Variants in GPM6A observed in about 807,000 individuals in gnomAD.
GPM6A encodes neuronal membrane glycoprotein M6-a.
In GPM6A, 7 loss-of-function variants were observed where a neutral mutation model predicts 32.1. The ratio of observed to expected loss-of-function variants is 0.22; its 90% CI spans 0.12 to 0.41. The LOEUF (loss-of-function observed/expected upper bound fraction) is 0.41. GPM6A is among the 10% of genes least tolerant of loss of function. The pLI is 1.00. For synonymous variants in GPM6A, 130 were observed against 123.4 expected (o/e 1.05, Z -0.35); for missense variants, 235 against 347.2 (o/e 0.68, Z 2.57).
At chr4:175,965,501 A>G (rs548500379) in intron 1 of GPM6A, among the ~76,000 whole-genome samples, 1 of 152,280 alleles carries the variant, frequency 6.6e-6, no homozygotes, top group Non-Finnish European at 1.5e-5. Context: ...AAACCATAGA[A>G]TGGTTCTTTC....
At chr4:175,783,870 C>G (rs1307671880) in intron 1 of GPM6A, among the ~76,000 whole-genome samples, 1 of 152,046 alleles carries the variant, frequency 6.6e-6, no homozygotes, top group Admixed American at 6.6e-5. Context: ...CTCAGAGTAT[C>G]TCTCTGAAAT....
At chr4:175,672,580 G>T (rs1378573338) in intron 3 of GPM6A, among the ~76,000 whole-genome samples, 2 of 152,102 alleles carry the variant, frequency 1.3e-5, no homozygotes, top group African/African-American at 2.4e-5. Flanking sequence ...ATATCTCTCT[G>T]TAACTAAGTT....
chr4:175,729,399 G>A (rs1031730086), intron 1 of GPM6A, among the ~76,000 whole-genome samples: 1 of 152,124 alleles, frequency 6.6e-6, no homozygotes, highest in African/African-American at 2.4e-5. Context: ...CCCATTCAGA[G>A]TCTCCTCTAT....
At chr4:175,677,062 C>A (rs1743411549) in intron 2 of GPM6A, among the ~76,000 whole-genome samples, 1 of 152,036 alleles carries the variant, frequency 6.6e-6, no homozygotes, top group Admixed American at 6.6e-5. Context: ...TTTTTTAGAT[C>A]AACTTCAAGA....
intron 1 of GPM6A, among the ~76,000 whole-genome samples, chr4:175,829,684 A>G (rs1322472543): frequency 6.8e-6 from 1 of 146,908 alleles, no homozygotes; most frequent in African/African-American, 2.5e-5. Context: ...ACATATATAT[A>G]TTACATATAT....
chr4:175,738,122 G>A (rs1459977351), intron 1 of GPM6A, among the ~76,000 whole-genome samples: 1 of 152,104 alleles, frequency 6.6e-6, no homozygotes, highest in African/African-American at 2.4e-5. Flanking sequence ...ATTTTTAGTA[G>A]AGGTGGGGTT....
In GPM6A at chr4:175,657,438, A is replaced by G. The variant is rs140468786; in HGVS notation, c.388-5451T>C. On this transcript the variant is annotated intron_variant, in intron 3 of 6. Coordinates refer to ENST00000393658, the MANE Select transcript of GPM6A (RefSeq NM_201591.3). ...AAATCACTGCAGGTGATTCTCATAG[A>G]TATCCAGTGTTAAGAACTCTTTCTA... 4.5e-3 allele frequency among the ~76,000 whole-genome samples: 691 copies of G among 152,180 alleles called. 7 individuals are homozygous for G. Among genetic ancestry groups the G allele is most frequent in the African/African-American group, 0.016 (651 of 41,558 alleles).
intron 1 of GPM6A, among the ~76,000 whole-genome samples, chr4:175,874,561 A>G (rs1737020594): frequency 1.3e-5 from 2 of 152,124 alleles, no homozygotes; most frequent in South Asian, 4.1e-4. Context: ...TGAAACTTTC[A>G]CAGAGAAATT....
chr4:175,818,943 G>C (rs1038857208), intron 1 of GPM6A, among the ~76,000 whole-genome samples: 10 of 152,134 alleles, frequency 6.6e-5, no homozygotes, highest in African/African-American at 2.4e-4. Flanking sequence ...AAAAATTCAA[G>C]GGTGACACTC....
At chr4:175,979,961 T>C (rs984154565) in intron 1 of GPM6A, among the ~76,000 whole-genome samples, 3 of 152,212 alleles carry the variant, frequency 2.0e-5, no homozygotes, top group Non-Finnish European at 4.4e-5. Context: ...TAATTAAGAG[T>C]ATTATTTCAT....
At chr4:175,768,724 T>C (rs1190588738) in intron 1 of GPM6A, among the ~76,000 whole-genome samples, 1 of 152,204 alleles carries the variant, frequency 6.6e-6, no homozygotes, top group Non-Finnish European at 1.5e-5. Flanking sequence ...TTGAACTATC[T>C]GGCACTATGT....
At chr4:175,800,921 G>A (rs1452496673) in intron 1 of GPM6A, 15 of 196,522 alleles carry the variant, frequency 7.6e-5, no homozygotes, top group Non-Finnish European at 1.3e-4. Flanking sequence ...TCTATCTAAG[G>A]AAAAACAAAG....
rs1442144311 is a variant in GPM6A at position 175,651,842 on chromosome 4, C to T, written c.533G>A (p.Arg178His). 15 of 1,611,702 alleles carry T rather than the reference C, an allele frequency of 9.3e-6. No individual in the cohort carries two copies. Among genetic ancestry groups the T allele is most frequent in the Non-Finnish European group, 1.3e-5 (15 of 1,178,732 alleles). ...VEGANLCLDL[R>H]QFGIVTIGEE... ...ATCCAATATCCACTTACCAAACTGACGAAGGTCCAAGCAGAGATTTGCTCC... is the reference window on the plus strand; with the variant it reads ...ATCCAATATCCACTTACCAAACTGATGAAGGTCCAAGCAGAGATTTGCTCC... Residue 178 changes from arginine (R) to histidine (H), a missense_variant, in exon 4 of 7, where the codon CGT becomes CAT. By Grantham distance (29) the Arg-to-His change is conservative (BLOSUM62 0). Coordinates refer to ENST00000393658, the MANE Select transcript of GPM6A (RefSeq NM_201591.3).
chr4:175,744,594 C>T (rs1395492598), intron 1 of GPM6A, among the ~76,000 whole-genome samples: 2 of 151,818 alleles, frequency 1.3e-5, no homozygotes, highest in African/African-American at 4.8e-5. Context: ...TAAAAAATAG[C>T]CCAATATCAA....
At chr4:175,963,383 G>C (rs1740229169) in intron 1 of GPM6A, among the ~76,000 whole-genome samples, 2 of 124,098 alleles carry the variant, frequency 1.6e-5, no homozygotes, top group Middle Eastern at 3.8e-3. Context: ...CAAAAACACA[G>C]AGAAAATCTT....
chr4:175,774,950 T>C lies in GPM6A; in HGVS notation c.37+37241A>G, dbSNP rs545639405. Among the ~76,000 whole-genome samples the C allele has an allele frequency of 3.5e-3, 540 of 152,210 alleles. 3 individuals are homozygous for C. The highest frequency in any genetic ancestry group is 6.6e-3 in the Non-Finnish European group (445 of 67,930). ...CCATAAAATAATTTTTGTTTCTAAA[T>C]AAACCAGACGATCCCAAAATTTTGA... On this transcript the variant is annotated intron_variant, in intron 1 of 6. Transcript: ENST00000393658.
intron 1 of GPM6A, among the ~76,000 whole-genome samples, chr4:175,889,001 T>C (rs1737548069): frequency 6.6e-6 from 1 of 152,144 alleles, no homozygotes; most frequent in Admixed American, 6.5e-5. Context: ...CCTGTAGTTA[T>C]AAGAACTACA....
chr4:175,751,607 G>T (rs541964912), intron 1 of GPM6A, among the ~76,000 whole-genome samples: 1 of 151,978 alleles, frequency 6.6e-6, no homozygotes, highest in Non-Finnish European at 1.5e-5. Context: ...TTTTCCAGCC[G>T]ACTTGCCAAA....
intron 1 of GPM6A, among the ~76,000 whole-genome samples, chr4:175,830,768 A>G (rs774892776): frequency 9.9e-5 from 15 of 152,018 alleles, no homozygotes; most frequent in Non-Finnish European, 1.6e-4. Flanking sequence ...ATTTCACTCA[A>G]TGTGTTTGTT....
Sources: gnomAD v4.1 joint callset for allele counts (sites outside exome capture counted in the v4.1 genomes callset) on GRCh38, gnomAD v4.1.1 for gene constraint, MANE v1.5 for transcripts, NCBI Gene and HGNC (gene_info 2026-07-23, HGNC 2026-07-21) for gene names.